Variants in CCDC148 observed in about 807,000 individuals in gnomAD.
CCDC148 encodes the protein coiled-coil domain-containing protein 148.
A neutral mutation model predicts 85.7 loss-of-function variants in CCDC148; 89 were observed. The observed-to-expected ratio is 1.04, with a 90% CI of 0.87 to 1.24. CCDC148 has a LOEUF of 1.24. Among genes scored for constraint, CCDC148 ranks in the 50% most tolerant of loss-of-function variants. CCDC148 has a pLI of 0.00. For missense variants in CCDC148, 692 were observed against 671.7 expected (o/e 1.03, Z -0.33); for synonymous variants, 230 against 213.9 (o/e 1.08, Z -0.66).
At chr2:158,193,082 A>G (rs1353626132) in intron 11 of CCDC148, among the ~76,000 whole-genome samples, 3 of 152,024 alleles carry the variant, frequency 2.0e-5, no homozygotes, top group African/African-American at 7.2e-5. Flanking sequence ...ATATTCCTTA[A>G]GGCCTCCTTT....
At chr2:158,451,210 CATACTT>C (rs141899347) in intron 1 of CCDC148, among the ~76,000 whole-genome samples, 28,891 of 151,898 alleles carry the variant, frequency 0.19, 3,502 homozygotes, top group Middle Eastern at 0.32. Context: ...AGTTTTAAAA[CATACTT>C]ATACTAGCTG....
In CCDC148 at chr2:158,292,003, A is replaced by G. The variant is rs367775809; in HGVS notation, c.1110+17430T>C. ...AGAGCCCAGAAGAATCACATTTAAC[A>G]TGTCTTTTATGGTCTTTTCATGCCC... is the stretch of plus-strand genomic sequence containing the variant. On this transcript the variant is annotated intron_variant, in intron 9 of 13. Transcript: ENST00000283233. 8.5e-5 allele frequency among the ~76,000 whole-genome samples: 13 copies of G among 152,264 alleles called. 2 individuals carry two copies. Among genetic ancestry groups the G allele is most frequent in the Admixed American group, 6.5e-4 (10 of 15,286 alleles).
At chr2:158,200,473 T>A (rs1685898613) in intron 11 of CCDC148, among the ~76,000 whole-genome samples, 1 of 152,214 alleles carries the variant, frequency 6.6e-6, no homozygotes, top group Admixed American at 6.5e-5. Flanking sequence ...TATTGGCACA[T>A]AGCCATACCC....
intron 1 of CCDC148, among the ~76,000 whole-genome samples, chr2:158,389,894 G>A (rs1685235566): frequency 6.6e-6 from 1 of 152,148 alleles, no homozygotes; most frequent in Non-Finnish European, 1.5e-5. Context: ...GGCTGCTGTA[G>A]GAGTAGAAGC....
chr2:158,341,943 T>A (rs976081946), intron 3 of CCDC148, among the ~76,000 whole-genome samples: 2 of 151,006 alleles, frequency 1.3e-5, no homozygotes, highest in African/African-American at 4.8e-5. Flanking sequence ...ACTTTTTTTT[T>A]AGATATTTCT....
chr2:158,274,213 G>A (rs1430442003), intron 9 of CCDC148, among the ~76,000 whole-genome samples: 1 of 152,182 alleles, frequency 6.6e-6, no homozygotes, highest in Non-Finnish European at 1.5e-5. Flanking sequence ...TCATCTAGGA[G>A]CTTGTTAGAT....
intron 1 of CCDC148, among the ~76,000 whole-genome samples, chr2:158,453,573 G>A (rs1688489206): frequency 6.6e-6 from 1 of 151,976 alleles, no homozygotes; most frequent in Admixed American, 6.6e-5. Flanking sequence ...ACTTTTTGAA[G>A]ATTTTATCTT....
intron 2 of CCDC148, among the ~76,000 whole-genome samples, chr2:158,350,794 T>C (rs984520942): frequency 8.5e-5 from 13 of 152,306 alleles, no homozygotes; most frequent in Middle Eastern, 3.4e-3. Flanking sequence ...ATGGGCACAA[T>C]TTGATGTTTT....
intron 1 of CCDC148, among the ~76,000 whole-genome samples, chr2:158,391,976 C>T (rs905780088): frequency 1.3e-5 from 2 of 152,056 alleles, no homozygotes; most frequent in African/African-American, 4.8e-5. Context: ...CAGATTCTCC[C>T]CAACTGGCAG....
At chr2:158,308,783 C>T (rs1691819752) in intron 9 of CCDC148, among the ~76,000 whole-genome samples, 1 of 152,196 alleles carries the variant, frequency 6.6e-6, no homozygotes, top group Non-Finnish European at 1.5e-5. Context: ...ATTCCCAGCA[C>T]AACAACCACT....
At chr2:158,250,980 A>C in intron 9 of CCDC148, 68 bp from the exon 10 acceptor site, 1 of 1,419,652 alleles carries the variant, frequency 7.0e-7, no homozygotes, top group Non-Finnish European at 9.6e-7. Context: ...GGTCATAATA[A>C]GACTAGGCTC....
At chr2:158,348,851 C>T (rs950329523) in intron 2 of CCDC148, among the ~76,000 whole-genome samples, 1 of 151,982 alleles carries the variant, frequency 6.6e-6, no homozygotes, top group Non-Finnish European at 1.5e-5. Context: ...GAGGCTTGAG[C>T]TGGACAAGAA....
At chr2:158,361,812 T>A (rs112063764) in intron 1 of CCDC148, among the ~76,000 whole-genome samples, 26,921 of 151,970 alleles carry the variant, frequency 0.18, 3,090 homozygotes, top group Middle Eastern at 0.26. Context: ...AATTCACACA[T>A]AACAATACTA....
intron 9 of CCDC148, among the ~76,000 whole-genome samples, chr2:158,305,608 G>A (rs1049093436): frequency 1.3e-5 from 2 of 151,990 alleles, no homozygotes; most frequent in African/African-American, 4.8e-5. Flanking sequence ...TGAAAAATTA[G>A]CCAGGCATAG....
intron 1 of CCDC148, among the ~76,000 whole-genome samples, chr2:158,369,590 T>C (rs953072218): frequency 1.3e-5 from 2 of 152,178 alleles, no homozygotes; most frequent in African/African-American, 2.4e-5. Flanking sequence ...TGGGGTTTTC[T>C]AGATATAGGA....
At chr2:158,351,659 G>A (rs1330398393) in intron 2 of CCDC148, among the ~76,000 whole-genome samples, 2 of 152,146 alleles carry the variant, frequency 1.3e-5, no homozygotes, top group African/African-American at 4.8e-5. Context: ...AGGGGCGCCC[G>A]CCATTGCCCA....
intron 9 of CCDC148, among the ~76,000 whole-genome samples, chr2:158,263,171 C>A (rs1017774846): frequency 6.6e-6 from 1 of 152,014 alleles, no homozygotes; most frequent in Non-Finnish European, 1.5e-5. Context: ...AGGATTTGGA[C>A]TCTAAGGGAA....
intron 9 of CCDC148, among the ~76,000 whole-genome samples, chr2:158,280,943 C>A (rs555189222): frequency 6.6e-6 from 1 of 152,280 alleles, no homozygotes; most frequent in South Asian, 2.1e-4. Flanking sequence ...GACCACAGTG[C>A]AATCAAACTA....
chr2:158,396,656 A>G (rs901346301), intron 1 of CCDC148, among the ~76,000 whole-genome samples: 3 of 152,096 alleles, frequency 2.0e-5, no homozygotes, highest in Non-Finnish European at 4.4e-5. Flanking sequence ...CTTCAACTCT[A>G]CAAGAGAAAT....
Sources: allele counts gnomAD v4.1 joint callset (sites outside exome capture counted in the v4.1 genomes callset), GRCh38; gene constraint gnomAD v4.1.1; transcripts MANE v1.5; gene names NCBI Gene and HGNC (gene_info 2026-07-23, HGNC 2026-07-21).